The following SSBP3 variants were observed in gnomAD, a reference collection of about 807,000 sequenced individuals.
SSBP3 encodes the protein single stranded DNA binding protein 3.
In SSBP3, 5 loss-of-function variants were observed where a neutral mutation model predicts 69.6. The observed-to-expected ratio is 0.07, with a 90% CI of 0.04 to 0.15. SSBP3 has a LOEUF of 0.15. Among genes scored for constraint, SSBP3 ranks in the 10% least tolerant of loss-of-function variants. The pLI is 1.00. For missense variants in SSBP3, 312 were observed against 534.0 expected (o/e 0.58, Z 4.10); for synonymous variants, 196 against 193.4 (o/e 1.01, Z -0.11).
intron 5 of SSBP3, among the ~76,000 whole-genome samples, chr1:54,276,001 C>T (rs1296541841): frequency 1.3e-5 from 2 of 152,174 alleles, no homozygotes; most frequent in Non-Finnish European, 2.9e-5. Context: ...TGCTCTTTCT[C>T]GTTCTCTCCC....
At chr1:54,287,638 G>A (rs1465429387) in intron 4 of SSBP3, among the ~76,000 whole-genome samples, 2 of 152,078 alleles carry the variant, frequency 1.3e-5, no homozygotes, top group African/African-American at 2.4e-5. Flanking sequence ...TGCAAACTAT[G>A]GAGTAACCCG....
intron 5 of SSBP3, among the ~76,000 whole-genome samples, chr1:54,271,579 GA>G (rs1645194840): frequency 6.7e-6 from 1 of 149,054 alleles, no homozygotes; most frequent in African/African-American, 2.5e-5. Context: ...GTGCTCCAAA[GA>G]CCCTGTTCAC....
intron 4 of SSBP3, among the ~76,000 whole-genome samples, chr1:54,395,776 G>A (rs1373618343): frequency 6.6e-6 from 1 of 152,162 alleles, no homozygotes; most frequent in African/African-American, 2.4e-5. Flanking sequence ...GAATTCACAT[G>A]GGAGTCCAAG....
chr1:54,294,833 T>A (rs1349552272), intron 4 of SSBP3, among the ~76,000 whole-genome samples: 1 of 152,066 alleles, frequency 6.6e-6, no homozygotes, highest in Non-Finnish European at 1.5e-5. Context: ...CCACCACTTG[T>A]GGGGCCCAAG....
chr1:54,411,286 C>T (rs1310168049), upstream of SSBP3, among the ~76,000 whole-genome samples: 2 of 151,734 alleles, frequency 1.3e-5, no homozygotes, highest in African/African-American at 2.4e-5. Flanking sequence ...GAGACCAGCC[C>T]GGCCAACATG....
chr1:54,289,877 G>A (rs1000775338), intron 4 of SSBP3, among the ~76,000 whole-genome samples: 2 of 152,084 alleles, frequency 1.3e-5, no homozygotes, highest in Admixed American at 6.5e-5. Flanking sequence ...TCCCCCACAG[G>A]CGAGGAGCCA....
chr1:54,349,908 T>A (rs1411578918), intron 4 of SSBP3, among the ~76,000 whole-genome samples: 1 of 152,084 alleles, frequency 6.6e-6, no homozygotes, highest in African/African-American at 2.4e-5. Flanking sequence ...CTGGAGCCCC[T>A]GGTACATCTC....
chr1:54,354,518 G>C (rs1490274733), intron 4 of SSBP3, among the ~76,000 whole-genome samples: 2 of 152,160 alleles, frequency 1.3e-5, no homozygotes, highest in Non-Finnish European at 2.9e-5. Flanking sequence ...CTCTTGTCAT[G>C]TGGTTCTCGG....
At chr1:54,314,616 C>G (rs1017823856) in intron 4 of SSBP3, among the ~76,000 whole-genome samples, 1 of 152,220 alleles carries the variant, frequency 6.6e-6, no homozygotes, top group Non-Finnish European at 1.5e-5. Context: ...CTTGAACATG[C>G]TTCCCTAGAC....
chr1:54,286,130 C>T (rs1453742925), intron 4 of SSBP3, among the ~76,000 whole-genome samples: 1 of 152,144 alleles, frequency 6.6e-6, no homozygotes, highest in African/African-American at 2.4e-5. Context: ...AGATTAAACA[C>T]TACCGAGAGA....
chr1:54,327,884 C>T (rs1646338155), intron 4 of SSBP3, among the ~76,000 whole-genome samples: 1 of 152,148 alleles, frequency 6.6e-6, no homozygotes, highest in African/African-American at 2.4e-5. Flanking sequence ...GCTCACTCTG[C>T]ATCTTAAATA....
chr1:54,229,731 C>T (rs904919389), intron 14 of SSBP3, among the ~76,000 whole-genome samples: 2 of 152,208 alleles, frequency 1.3e-5, no homozygotes, highest in African/African-American at 4.8e-5. Context: ...GTGATGCAGA[C>T]TGCATCTGCA....
intron 4 of SSBP3, among the ~76,000 whole-genome samples, chr1:54,391,861 G>C (rs1421013852): frequency 6.6e-6 from 1 of 152,034 alleles, no homozygotes; most frequent in Non-Finnish European, 1.5e-5. Context: ...AAGCTCCACG[G>C]GGGGCAAGGA....
chr1:54,373,601 A>T (rs189262323), intron 4 of SSBP3, among the ~76,000 whole-genome samples: 12 of 150,554 alleles, frequency 8.0e-5, no homozygotes, highest in South Asian at 4.2e-4. Context: ...CCATCTCTAT[A>T]AAAAAAAATA....
chr1:54,402,952 T>G (rs972376571), intron 3 of SSBP3, among the ~76,000 whole-genome samples: 32 of 152,174 alleles, frequency 2.1e-4, no homozygotes, highest in African/African-American at 7.0e-4. Flanking sequence ...CTACTCCTGG[T>G]CCACTGCTCT....
At chr1:54,360,505 C>T (rs908654655) in intron 4 of SSBP3, among the ~76,000 whole-genome samples, 1 of 152,154 alleles carries the variant, frequency 6.6e-6, no homozygotes, top group Non-Finnish European at 1.5e-5. Flanking sequence ...GGTCCCCAGC[C>T]AGTTCTAATG....
intron 4 of SSBP3, among the ~76,000 whole-genome samples, chr1:54,309,300 C>G (rs1186098986): frequency 6.6e-6 from 1 of 152,232 alleles, no homozygotes; most frequent in Non-Finnish European, 1.5e-5. Context: ...AAAAAACACA[C>G]AAGTTTTCCA....
At chr1:54,254,467 G>GAT in intron 7 of SSBP3, among the ~76,000 whole-genome samples, 1 of 152,208 alleles carries the variant, frequency 6.6e-6, no homozygotes, top group Non-Finnish European at 1.5e-5. Flanking sequence ...AACTCTCTAT[G>GAT]CACAGCCTCT....
At chr1:54,294,423 T>C (rs938285636) in intron 4 of SSBP3, among the ~76,000 whole-genome samples, 5 of 66,368 alleles carry the variant, frequency 7.5e-5, no homozygotes, top group Admixed American at 3.2e-4. Context: ...CCCAGATCCA[T>C]TGGTCATTAA....
Sources: gnomAD v4.1 joint callset for allele counts (sites outside exome capture counted in the v4.1 genomes callset) on GRCh38, gnomAD v4.1.1 for gene constraint, MANE v1.5 for transcripts, NCBI Gene and HGNC (gene_info 2026-07-23, HGNC 2026-07-21) for gene names.